Variants in WDTC1 observed in about 807,000 individuals in gnomAD.
WDTC1 encodes WD and tetratricopeptide repeats 1.
WDTC1 carries 12 observed loss-of-function variants against 76.0 expected under a neutral mutation model. The observed-to-expected ratio is 0.16, with a 90% CI of 0.10 to 0.26. The LOEUF (loss-of-function observed/expected upper bound fraction) is 0.26, where lower values mean the gene tolerates loss of function less well. Ranked by LOEUF, WDTC1 falls within the 10% of genes least tolerant of loss-of-function variation. The pLI, the probability that WDTC1 is intolerant of heterozygous loss-of-function variation, is 1.00. For synonymous variants in WDTC1, 326 were observed against 350.8 expected (o/e 0.93, Z 0.79); for missense variants, 511 against 908.8 (o/e 0.56, Z 5.63).
intron 1 of WDTC1, among the ~76,000 whole-genome samples, chr1:27,254,906 C>T (rs758690744): frequency 1.8e-4 from 28 of 151,846 alleles, no homozygotes; most frequent in Non-Finnish European, 2.9e-5. Context: ...GGATTACAGG[C>T]GTAAGCCACC....
In WDTC1 at chr1:27,301,441, T is replaced by G; in HGVS notation, c.1448T>G (p.Leu483Arg). ...TTGGGCCGCGACATCACAGCTGCCCTCTTCTCTAAAAATGATGGTGGTGAG... is the reference window on the plus strand; with the variant it reads ...TTGGGCCGCGACATCACAGCTGCCCGCTTCTCTAAAAATGATGGTGGTGAG... Reference protein sequence around the residue: ...DALGRDITAALFSKNDGEEKK... With the variant: ...DALGRDITAARFSKNDGEEKK... The change falls in exon 13 of 16, where the codon CTC becomes CGC. Residue 483 changes from leucine (L) to arginine (R), a missense_variant. Coordinates refer to ENST00000319394, the MANE Select transcript of WDTC1 (RefSeq NM_001276252.2). The surrounding 1 kb of genome is among the most constrained non-coding windows in gnomAD (Gnocchi z 5.8). 2 of 1,613,314 alleles carry G rather than the reference T, an allele frequency of 1.2e-6. No homozygotes were observed. Among genetic ancestry groups the G allele is most frequent in the Non-Finnish European group, 1.7e-6 (2 of 1,179,962 alleles).
intron 9 of WDTC1, among the ~76,000 whole-genome samples, chr1:27,295,311 C>T (rs1034485875): frequency 6.6e-6 from 1 of 152,118 alleles, no homozygotes; most frequent in African/African-American, 2.4e-5. Context: ...ACAAATGAAG[C>T]GGGATGCAGA....
intron 6 of WDTC1, among the ~76,000 whole-genome samples, chr1:27,288,285 A>C (rs1283613549): frequency 1.3e-5 from 2 of 152,072 alleles, no homozygotes; most frequent in Non-Finnish European, 1.5e-5. Context: ...TGCTTGTTTT[A>C]ACAATTATAT....
At position 27,304,838 on chromosome 1, in the gene WDTC1, C is replaced by T. The variant is rs202015249; in HGVS notation, c.1644-163C>T. The T allele has an allele frequency of 1.2e-5, 8 of 653,770 alleles. No homozygotes were observed. The East Asian group carries it at 1.7e-4, about 14-fold the overall frequency. The allele number at this position is 653,770 out of a possible 1,614,324, so 40.5% of individuals were successfully genotyped here. ...AGGTTTAAGAGAACAGTGACCAGGG[C>T]TATATACCTGGAGGAATTCTGGGTC... On this transcript the variant is annotated intron_variant, in intron 14 of 15. Transcript: ENST00000319394.
At chr1:27,286,538 C>T (rs1389257209) in intron 5 of WDTC1, among the ~76,000 whole-genome samples, 1 of 141,374 alleles carries the variant, frequency 7.1e-6, no homozygotes, top group African/African-American at 2.6e-5. Flanking sequence ...GGCGTGATCT[C>T]AGCTCACTGC....
chr1:27,252,865 A>G (rs899699944), intron 1 of WDTC1, among the ~76,000 whole-genome samples: 1 of 151,770 alleles, frequency 6.6e-6, no homozygotes, highest in Non-Finnish European at 1.5e-5. Context: ...CCTTTTTTCC[A>G]TTACAGTTTT....
Position 27,297,100 on chromosome 1 carries a change from T to C in WDTC1, c.1002T>C (p.Asn334=), listed in dbSNP as rs1485455840. Residue 334 remains asparagine, a synonymous_variant, in exon 11 of 16, where the codon AAT becomes AAC. Transcript: ENST00000319394. The part of the protein sequence containing the change: ...STNGVSNGVS[N]GLHLHSNGFR... ...ACGGTGTGTCCAACGGTGTGTCCAA[T>C]GGCCTGCACCTTCATAGCAATGGCT... is the stretch of plus-strand genomic sequence containing the variant. The C allele has an allele frequency of 1.2e-6, 2 of 1,614,106 alleles. No homozygotes were observed. Among genetic ancestry groups the C allele is most frequent in the Non-Finnish European group, 8.5e-7 (1 of 1,179,978 alleles).
chr1:27,262,737 T>G (rs1368763189), intron 2 of WDTC1, among the ~76,000 whole-genome samples: 1 of 152,122 alleles, frequency 6.6e-6, no homozygotes, highest in Non-Finnish European at 1.5e-5. Context: ...TTGTGTGTGA[T>G]TTCATTAGAC....
At chr1:27,237,362 T>G (rs1557471541) in intron 1 of WDTC1, among the ~76,000 whole-genome samples, 1 of 152,214 alleles carries the variant, frequency 6.6e-6, no homozygotes, top group Non-Finnish European at 1.5e-5. Context: ...TGTAATCTGG[T>G]GATACTTGTG....
At chr1:27,236,573 A>G (rs939198186) in intron 1 of WDTC1, among the ~76,000 whole-genome samples, 14 of 152,152 alleles carry the variant, frequency 9.2e-5, no homozygotes, top group African/African-American at 3.4e-4. Flanking sequence ...ACACGTGTAA[A>G]TATTATGATG....
chr1:27,283,519 C>T (rs2013250702), intron 5 of WDTC1, 70 bp downstream of exon 5: 11 of 1,446,674 alleles, frequency 7.6e-6, no homozygotes, highest in African/African-American at 1.4e-5. Context: ...GCTGTGGCCA[C>T]GCCATGTTGG....
chr1:27,293,948 G>A (rs879735370), intron 7 of WDTC1, 74 bp from the exon 8 acceptor site: 49 of 1,409,080 alleles, frequency 3.5e-5, no homozygotes, highest in South Asian at 1.1e-4. Flanking sequence ...GTAAGTTTTC[G>A]TCTAGTGAGT....
At chr1:27,272,633 A>C (rs2012904365) in intron 3 of WDTC1, among the ~76,000 whole-genome samples, 1 of 152,178 alleles carries the variant, frequency 6.6e-6, no homozygotes, top group South Asian at 2.1e-4. Context: ...AAGAACTCTA[A>C]GGTACTGGAT....
At chr1:27,297,268 C>T in intron 11 of WDTC1, 112 bp downstream of exon 11, 1 of 994,884 alleles carries the variant, frequency 1.0e-6, no homozygotes, top group Non-Finnish European at 1.5e-6. Context: ...TCATGCATCC[C>T]AGAGAGTGAG....
At chr1:27,283,651 C>A (rs1242343574) in intron 5 of WDTC1, among the ~76,000 whole-genome samples, 1 of 152,168 alleles carries the variant, frequency 6.6e-6, no homozygotes, top group Non-Finnish European at 1.5e-5. Context: ...AGCTAAGCGG[C>A]CAATTCTAGA....
rs768076225 is a variant in WDTC1 at position 27,297,043 on chromosome 1, G to T, written c.950-5G>T. 5 of 1,613,546 alleles carry T rather than the reference G, an allele frequency of 3.1e-6. No homozygotes were observed. The Admixed American group carries it at 8.3e-5, about 27-fold the overall frequency. ...TGCTGTCACTTTCTCACTATCTCCT[G>T]CCAGAAGTCCAGAATGGCAAGATGT... On this transcript the variant is annotated splice_region_variant and splice_polypyrimidine_tract_variant and intron_variant, in intron 10 of 15. Coordinates refer to ENST00000319394, the MANE Select transcript of WDTC1 (RefSeq NM_001276252.2).
rs2013980030 is a variant in WDTC1 at position 27,307,308 on chromosome 1, C to G, written c.*925C>G. 1 of 152,970 alleles carries G rather than the reference C, an allele frequency of 6.5e-6. No homozygotes were observed. Among genetic ancestry groups the G allele is most frequent in the Non-Finnish European group, 1.5e-5 (1 of 68,282 alleles). 9.5% of individuals were successfully genotyped at this position (152,970 alleles called of 1,614,324 possible). A position where few individuals can be genotyped will look rare whatever the true frequency, so the allele number is the denominator to read the frequency against. On this transcript the variant is annotated 3_prime_UTR_variant, in exon 16 of 16. Coordinates refer to ENST00000319394, the MANE Select transcript of WDTC1 (RefSeq NM_001276252.2). The surrounding 1 kb of genome is among the most constrained non-coding windows in gnomAD (Gnocchi z 4.1). Reference sequence around the variant, plus strand: ...AGACCAAAGAAGTGATGGCTTTTCTCTGTCCCCTGCTGCTCTGAGGGGAGA... The same window carrying G: ...AGACCAAAGAAGTGATGGCTTTTCTGTGTCCCCTGCTGCTCTGAGGGGAGA...
In WDTC1 at chr1:27,286,506, G is replaced by A. The variant is rs568888308; in HGVS notation, c.292-1168G>A. Among the ~76,000 whole-genome samples, 9 of 118,618 alleles carry A rather than the reference G, an allele frequency of 7.6e-5. No individual in the cohort carries two copies. In the South Asian group the frequency reaches 1.9e-3, roughly 25 times the overall value. 77.8% of individuals were successfully genotyped at this position (118,618 alleles called of 152,430 possible). ...TTTTTTTGAGATGGAGTCTCGCTCT[G>A]TTGCCCAGGCTGGAGTGCAGTGGCG... On this transcript the variant is annotated intron_variant, in intron 5 of 15. Coordinates refer to ENST00000319394, the MANE Select transcript of WDTC1 (RefSeq NM_001276252.2).
chr1:27,297,921 C>T lies in WDTC1; in HGVS notation c.1059-17C>T. 6.2e-7 allele frequency: 1 copy of T among 1,600,434 alleles called. No individual in the cohort carries two copies. Among genetic ancestry groups the T allele is most frequent in the Non-Finnish European group, 8.5e-7 (1 of 1,171,130 alleles). On this transcript the variant is annotated splice_polypyrimidine_tract_variant and intron_variant, in intron 11 of 15. Coordinates refer to ENST00000319394, the MANE Select transcript of WDTC1 (RefSeq NM_001276252.2). ...ACCTTCTTTGACTGTTCTGACTTGG[C>T]TCTATTTCCCCTGCAGCCCCCAAGT... is the stretch of plus-strand genomic sequence containing the variant.
Sources: gnomAD v4.1 joint callset for allele counts (sites outside exome capture counted in the v4.1 genomes callset) on GRCh38, gnomAD v4.1.1 for gene constraint, Gnocchi (gnomAD v3.1) non-coding constraint, MANE v1.5 for transcripts, NCBI Gene and HGNC (gene_info 2026-07-23, HGNC 2026-07-21) for gene names.